Variants in PRKCZ observed in about 807,000 individuals in gnomAD.
PRKCZ encodes protein kinase C zeta, also known as protein kinase C zeta type.
PRKCZ carries 33 observed loss-of-function variants against 79.5 expected under a neutral mutation model. That is an observed-to-expected ratio of 0.41 (90% confidence interval 0.31 to 0.55). The LOEUF is 0.55. PRKCZ is among the 20% of genes least tolerant of loss of function. The probability of loss-of-function intolerance (pLI) is 0.19; values close to 1 mark genes in which losing one functional copy is unlikely to be tolerated. For synonymous variants in PRKCZ, 342 were observed against 320.9 expected, an observed-to-expected ratio of 1.07 and a Z score of -0.70; for missense variants, 578 against 813.5, an observed-to-expected ratio of 0.71 and a Z score of 3.52.
At chr1:2,143,586 T>C (rs1297121947) in intron 5 of PRKCZ, 1 of 152,284 alleles carries the variant, frequency 6.6e-6, no homozygotes, top group Non-Finnish European at 1.5e-5. Flanking sequence ...ATTTAAACGT[T>C]CATGAAAACA....
chr1:2,057,648 T>G (rs900741910), intron 3 of PRKCZ, among the ~76,000 whole-genome samples: 1 of 152,098 alleles, frequency 6.6e-6, no homozygotes, highest in Non-Finnish European at 1.5e-5. Flanking sequence ...GGAGGATCGC[T>G]TCAGCCTAGG....
chr1:2,060,907 G>A (rs1409409122), intron 4 of PRKCZ, among the ~76,000 whole-genome samples: 2 of 152,198 alleles, frequency 1.3e-5, no homozygotes, highest in Non-Finnish European at 2.9e-5. Flanking sequence ...ACCTTTCCCG[G>A]GACCCTCCCT....
intron 4 of PRKCZ, among the ~76,000 whole-genome samples, chr1:2,076,111 T>G (rs1261581660): frequency 6.6e-6 from 1 of 152,154 alleles, no homozygotes; most frequent in East Asian, 1.9e-4. Flanking sequence ...ATGGGCTGTT[T>G]GGGGCCGGGG....
chr1:2,173,783 C>G lies in PRKCZ; in HGVS notation c.1286-114C>G. Reference sequence around the variant, plus strand: ...GTCACAGAGGCCTGTGTGCCGCCTGCTCAAGCCTGGCTCACACTCGTGTCA... The same window carrying G: ...GTCACAGAGGCCTGTGTGCCGCCTGGTCAAGCCTGGCTCACACTCGTGTCA... On this transcript the variant is annotated intron_variant, in intron 13 of 17. Coordinates refer to ENST00000378567, the MANE Select transcript of PRKCZ (RefSeq NM_002744.6). The surrounding 1 kb of genome is among the most constrained non-coding windows in gnomAD (Gnocchi z 5.7). 6.9e-7 allele frequency: 1 copy of G among 1,440,894 alleles called. No individual in the cohort carries two copies. The highest frequency in any genetic ancestry group is 9.2e-7 in the Non-Finnish European group (1 of 1,084,388). The allele number at this position is 1,440,894 out of a possible 1,614,324, so 89.3% of individuals were successfully genotyped here.
At chr1:2,137,750 C>T (rs1009411949) in intron 5 of PRKCZ, among the ~76,000 whole-genome samples, 1 of 152,200 alleles carries the variant, frequency 6.6e-6, no homozygotes, top group Non-Finnish European at 1.5e-5. Flanking sequence ...AGGTGCAGAC[C>T]ATAAGTGACC....
At chr1:2,113,051 T>C (rs1322416857) in intron 4 of PRKCZ, among the ~76,000 whole-genome samples, 1 of 152,244 alleles carries the variant, frequency 6.6e-6, no homozygotes, top group Non-Finnish European at 1.5e-5. Flanking sequence ...GTGGCTTGGC[T>C]AGGGCCTGCC....
chr1:2,132,725 G>C (rs916582623), intron 4 of PRKCZ, among the ~76,000 whole-genome samples: 2 of 152,252 alleles, frequency 1.3e-5, no homozygotes, highest in African/African-American at 4.8e-5. Flanking sequence ...GACTCACGGT[G>C]ACTAAAATCT....
intron 4 of PRKCZ, among the ~76,000 whole-genome samples, chr1:2,085,231 A>G (rs371160037): frequency 1.3e-5 from 2 of 152,218 alleles, no homozygotes; most frequent in African/African-American, 2.4e-5. Flanking sequence ...AACTTCAGCA[A>G]CTTTTCCGAG....
chr1:2,122,255 G>A (rs1409998334), intron 4 of PRKCZ, among the ~76,000 whole-genome samples: 1 of 4,622 alleles, frequency 2.2e-4, no homozygotes, highest in Non-Finnish European at 3.5e-4. Context: ...GGGTTGTGGT[G>A]GTTAGGGTCA....
intron 10 of PRKCZ, among the ~76,000 whole-genome samples, chr1:2,167,568 G>A (rs1006532255): frequency 2.0e-5 from 3 of 152,088 alleles, no homozygotes; most frequent in Admixed American, 6.5e-5. Context: ...AAAAATGTGC[G>A]GTGAAGTCAC....
At chr1:2,160,365 C>T (rs890124493) in intron 10 of PRKCZ, among the ~76,000 whole-genome samples, 3 of 152,044 alleles carry the variant, frequency 2.0e-5, no homozygotes, top group Admixed American at 1.3e-4. Flanking sequence ...TCACCAGCGT[C>T]AGGAGGCGTG....
chr1:2,097,231 G>T (rs866302122), intron 4 of PRKCZ, among the ~76,000 whole-genome samples: 6 of 152,180 alleles, frequency 3.9e-5, no homozygotes, highest in African/African-American at 1.2e-4. Flanking sequence ...TCTGGGTTCT[G>T]CCCTCTTGCT....
intron 4 of PRKCZ, among the ~76,000 whole-genome samples, chr1:2,069,069 C>T (rs1301904718): frequency 2.6e-5 from 4 of 152,246 alleles, no homozygotes; most frequent in African/African-American, 9.6e-5. Context: ...GTCACCACCC[C>T]GCCAGCCACA....
Position 2,082,437 on chromosome 1 carries a change from G to T in PRKCZ, c.334+22846G>T. On this transcript the variant is annotated intron_variant, in intron 4 of 17. Coordinates refer to ENST00000378567, the MANE Select transcript of PRKCZ (RefSeq NM_002744.6). The surrounding 1 kb of genome is among the most constrained non-coding windows in gnomAD (Gnocchi z 4.4). ...TTGGCCAGCAGAGAGAATTGAGTTT[G>T]CATGGAGACTGTAATTTCATTCTGT... 2.2e-6 allele frequency: 1 copy of T among 456,052 alleles called. No individual in the cohort carries two copies. The highest frequency in any genetic ancestry group is 4.4e-6 in the Non-Finnish European group (1 of 226,886). 28.3% of individuals were successfully genotyped at this position (456,052 alleles called of 1,614,324 possible).
rs1359015805 is a variant in PRKCZ, at chr1:2,178,879, G to A, written c.1575+3566G>A. ...TGGATGGTGAAAGGACACAGTGCCCGCCCCCCGAGTGTCCGAGGGTAGAGC... is the reference window on the plus strand; with the variant it reads ...TGGATGGTGAAAGGACACAGTGCCCACCCCCCGAGTGTCCGAGGGTAGAGC... On this transcript the variant is annotated intron_variant, in intron 16 of 17. Coordinates refer to ENST00000378567, the MANE Select transcript of PRKCZ (RefSeq NM_002744.6). This position sits in a 1 kb window ranked among gnomAD's most constrained non-coding sequence, Gnocchi z 4.3. Among the ~76,000 whole-genome samples the A allele has an allele frequency of 6.6e-6, 1 of 152,154 alleles. No individual in the cohort carries two copies. Among genetic ancestry groups the A allele is most frequent in the Admixed American group, 6.5e-5 (1 of 15,282 alleles).
intron 4 of PRKCZ, among the ~76,000 whole-genome samples, chr1:2,087,692 A>G (rs1461895827): frequency 6.6e-6 from 1 of 152,234 alleles, no homozygotes; most frequent in Non-Finnish European, 1.5e-5. Context: ...TGAAGAGAGT[A>G]AATGAATAAC....
intron 16 of PRKCZ, among the ~76,000 whole-genome samples, chr1:2,179,005 G>C (rs1174368911): frequency 1.3e-5 from 2 of 152,176 alleles, no homozygotes; most frequent in Admixed American, 6.5e-5. Context: ...TGTGACTCTG[G>C]GGCCCGGCAC....
intron 9 of PRKCZ, among the ~76,000 whole-genome samples, chr1:2,152,379 A>G (rs998119929): frequency 6.6e-6 from 1 of 152,076 alleles, no homozygotes; most frequent in African/African-American, 2.4e-5. Context: ...CTAAAAATAC[A>G]AAAATTAGCC....
intron 4 of PRKCZ, among the ~76,000 whole-genome samples, chr1:2,085,248 T>C (rs947667796): frequency 1.3e-5 from 2 of 152,214 alleles, no homozygotes; most frequent in Non-Finnish European, 2.9e-5. Context: ...CGAGACACGT[T>C]GTACCATCCG....
Sources: gnomAD v4.1 joint callset for allele counts (sites outside exome capture counted in the v4.1 genomes callset) on GRCh38, gnomAD v4.1.1 for gene constraint, Gnocchi (gnomAD v3.1) non-coding constraint, MANE v1.5 for transcripts, NCBI Gene and HGNC (gene_info 2026-07-23, HGNC 2026-07-21) for gene names.